GARRE1: variants seen among roughly 807,000 people sequenced by gnomAD.
GARRE1 encodes granule associated Rac and RHOG effector protein 1.
GARRE1 carries 49 observed loss-of-function variants against 103.2 expected under a neutral mutation model. The observed-to-expected ratio is 0.47, with a 90% CI of 0.38 to 0.60. GARRE1 has a LOEUF of 0.60. Ranked by LOEUF, GARRE1 falls within the 20% of genes least tolerant of loss-of-function variation. The pLI is 0.00. For synonymous variants in GARRE1, 505 were observed against 532.8 expected (o/e 0.95, Z 0.72); for missense variants, 1,199 against 1,370.5 (o/e 0.87, Z 1.98).
rs1326833412 is a variant in GARRE1, at chr19:34,352,590, T to C, written c.2905-57T>C. 6.3e-6 allele frequency: 9 copies of C among 1,432,996 alleles called. No individual in the cohort carries two copies. The African/African-American group carries it at 8.4e-5, about 13-fold the overall frequency. The allele number at this position is 1,432,996 out of a possible 1,614,324, so 88.8% of individuals were successfully genotyped here. A position where few individuals can be genotyped will look rare whatever the true frequency, so the allele number is the denominator to read the frequency against. On this transcript the variant is annotated intron_variant, in intron 13 of 13. Coordinates refer to ENST00000299505, the MANE Select transcript of GARRE1 (RefSeq NM_014686.5). ...AATAAGGGCCAGGCATCTGGGGAGG[T>C]GGGAAATGATGATACATTGCCCGAA...
intron 1 of GARRE1, among the ~76,000 whole-genome samples, chr19:34,297,103 A>G (rs1328408398): frequency 6.6e-6 from 1 of 152,158 alleles, no homozygotes; most frequent in Non-Finnish European, 1.5e-5. Flanking sequence ...CCTGGCCAAT[A>G]TGGCGAAACC....
At chr19:34,337,983 C>T (rs1164699721) in intron 8 of GARRE1, among the ~76,000 whole-genome samples, 1 of 152,208 alleles carries the variant, frequency 6.6e-6, no homozygotes, top group Non-Finnish European at 1.5e-5. Context: ...AAGATTCTCT[C>T]TGAGGAGTCC....
In GARRE1 at chr19:34,341,491, C is replaced by T. The variant is rs768723314; in HGVS notation, c.1557C>T (p.Asp519=). Reference sequence around the variant, plus strand: ...TCTGTGATTTTGGCAACCAGGCTGACCTGCCTTCTGGAAATGGAAACAAAT... The same window carrying T: ...TCTGTGATTTTGGCAACCAGGCTGATCTGCCTTCTGGAAATGGAAACAAAT... ...REICDFGNQA[D]LPSGNGNKSS... The change falls in exon 10 of 14, where the codon GAC becomes GAT. Residue 519 remains aspartate (D), a synonymous_variant. Transcript: ENST00000299505. 3.5e-5 allele frequency: 57 copies of T among 1,613,796 alleles called. No individual in the cohort carries two copies. Among genetic ancestry groups the T allele is most frequent in the East Asian group, 2.5e-4 (11 of 44,886 alleles).
rs1206320643 is a variant in GARRE1 at position 34,354,944 on chromosome 19, G to C, written c.*1989G>C. On this transcript the variant is annotated 3_prime_UTR_variant, in exon 14 of 14. Transcript: ENST00000299505. ...TGTATATAGACATTTTCAGGCACGT[G>C]CTTTGCACCAACCCTGCGTGGCTCT... 1 of 152,596 alleles carries C rather than the reference G, an allele frequency of 6.6e-6. No individual in the cohort carries two copies. Among genetic ancestry groups the C allele is most frequent in the Non-Finnish European group, 1.5e-5 (1 of 68,036 alleles). The allele number at this position is 152,596 out of a possible 1,614,324, so 9.5% of individuals were successfully genotyped here. A position where few individuals can be genotyped will look rare whatever the true frequency, so the allele number is the denominator to read the frequency against.
At chr19:34,332,442 A>C (rs905416732) in intron 7 of GARRE1, among the ~76,000 whole-genome samples, 1 of 152,122 alleles carries the variant, frequency 6.6e-6, no homozygotes, top group East Asian at 1.9e-4. Context: ...TTGAGAAAAC[A>C]CTGTAGATTA....
chr19:34,266,724 T>C (rs1205433029), intron 1 of GARRE1, among the ~76,000 whole-genome samples: 5 of 152,202 alleles, frequency 3.3e-5, no homozygotes, highest in African/African-American at 1.2e-4. Context: ...GGAAGAGATG[T>C]TATAATTTAT....
intron 6 of GARRE1, 50 bp downstream of exon 6, chr19:34,328,201 T>C (rs1286035102): frequency 1.3e-6 from 2 of 1,585,812 alleles, no homozygotes; most frequent in Non-Finnish European, 1.7e-6. Flanking sequence ...GAAAATAGAG[T>C]TCTTAAGAGA....
At chr19:34,330,414 T>C (rs773613481) in intron 7 of GARRE1, 67 bp downstream of exon 7, 65 of 1,463,572 alleles carry the variant, frequency 4.4e-5, no homozygotes, top group Non-Finnish European at 5.5e-5. Context: ...GAGGATGTGG[T>C]GCAGACACAT....
chr19:34,271,227 A>G (rs2073785177), intron 1 of GARRE1, among the ~76,000 whole-genome samples: 1 of 144,636 alleles, frequency 6.9e-6, no homozygotes, highest in South Asian at 2.2e-4. Context: ...GTGTTCAGGT[A>G]TACCTTCTGT....
intron 8 of GARRE1, among the ~76,000 whole-genome samples, chr19:34,335,990 T>A (rs1438637561): frequency 6.6e-6 from 1 of 151,904 alleles, no homozygotes; most frequent in Admixed American, 6.6e-5. Flanking sequence ...AAATTATTAT[T>A]ATTATTTTTT....
At chr19:34,328,283 C>T in intron 6 of GARRE1, 132 bp downstream of exon 6, 1 of 992,494 alleles carries the variant, frequency 1.0e-6, no homozygotes, top group South Asian at 1.7e-5. Flanking sequence ...CGCCTGTAAT[C>T]CTAGCACTTT....
At chr19:34,313,523 C>CT (rs1484257546) in intron 2 of GARRE1, among the ~76,000 whole-genome samples, 1 of 152,200 alleles carries the variant, frequency 6.6e-6, no homozygotes, top group Non-Finnish European at 1.5e-5. Context: ...TGGGAGGCAT[C>CT]TAGTGCGACA....
In GARRE1 at chr19:34,346,071, C is replaced by T. The variant is rs7252235; in HGVS notation, c.2522-1806C>T. 3.2e-3 allele frequency among the ~76,000 whole-genome samples: 493 copies of T among 152,178 alleles called. 2 individuals carry two copies. Among genetic ancestry groups the T allele is most frequent in the African/African-American group, 0.011 (469 of 41,522 alleles). On this transcript the variant is annotated intron_variant, in intron 10 of 13. Transcript: ENST00000299505. Reference sequence around the variant, plus strand: ...ATCAGAGGGCGCCATCTAGTGGCCCCGTCTAGATAGGCAAAATCAGTGCGG... The same window carrying T: ...ATCAGAGGGCGCCATCTAGTGGCCCTGTCTAGATAGGCAAAATCAGTGCGG...
At chr19:34,264,241 T>A (rs2073737231) in intron 1 of GARRE1, among the ~76,000 whole-genome samples, 1 of 152,094 alleles carries the variant, frequency 6.6e-6, no homozygotes. Context: ...ATCAAAATGA[T>A]GGTTGTTAAA....
intron 13 of GARRE1, among the ~76,000 whole-genome samples, chr19:34,352,044 G>A (rs1340253866): frequency 6.6e-6 from 1 of 152,162 alleles, no homozygotes; most frequent in East Asian, 1.9e-4. Context: ...ATTACAGTAA[G>A]CTATGATTGC....
intron 10 of GARRE1, among the ~76,000 whole-genome samples, chr19:34,346,985 G>T (rs889334738): frequency 6.6e-6 from 1 of 151,698 alleles, no homozygotes; most frequent in Non-Finnish European, 1.5e-5. Flanking sequence ...GTGCAGTGGC[G>T]CAATCTTGGC....
intron 1 of GARRE1, among the ~76,000 whole-genome samples, chr19:34,292,050 C>T (rs1324847613): frequency 2.6e-5 from 4 of 151,950 alleles, no homozygotes; most frequent in Admixed American, 2.0e-4. Context: ...TTAGTAGAGA[C>T]GGGGTTTTAC....
chr19:34,352,715 G>A lies in GARRE1; in HGVS notation c.2973G>A (p.Leu991=). The A allele has an allele frequency of 6.2e-7, 1 of 1,614,082 alleles. No individual in the cohort carries two copies. Among genetic ancestry groups the A allele is most frequent in the South Asian group, 1.1e-5 (1 of 91,072 alleles). The change falls in exon 14 of 14, where the codon CTG becomes CTA. Residue 991 remains leucine (L), a synonymous_variant. Coordinates refer to ENST00000299505, the MANE Select transcript of GARRE1 (RefSeq NM_014686.5). ...WQHPSPLPST[L]PSPSAPLYAV... ...ACCCTTCCCCGCTTCCCAGCACGCT[G>A]CCCAGCCCCAGCGCACCACTCTATG...
rs543036344 is a variant in GARRE1, at chr19:34,322,610, C to T, written c.705+2494C>T. Among the ~76,000 whole-genome samples the T allele has an allele frequency of 1.6e-3, 239 of 151,996 alleles. 1 individual carries two copies. The highest frequency in any genetic ancestry group is 5.2e-3 in the African/African-American group (214 of 41,464). ...AAAGATAATTTTCTTTTTTTTGAGACGGAGTCTTGCTCCTTCGCCCAGGCT... is the reference window on the plus strand; with the variant it reads ...AAAGATAATTTTCTTTTTTTTGAGATGGAGTCTTGCTCCTTCGCCCAGGCT... On this transcript the variant is annotated intron_variant, in intron 3 of 13. Transcript: ENST00000299505.
Sources: allele counts gnomAD v4.1 joint callset (sites outside exome capture counted in the v4.1 genomes callset), GRCh38; gene constraint gnomAD v4.1.1; transcripts MANE v1.5; gene names NCBI Gene and HGNC (gene_info 2026-07-23, HGNC 2026-07-21).